RSU1: variants seen among roughly 807,000 people sequenced by gnomAD.
The protein encoded by RSU1 is Ras suppressor protein 1, also known as rsu-1.
In RSU1, 26 loss-of-function variants were observed where a neutral mutation model predicts 31.1. The ratio of observed to expected loss-of-function variants is 0.84; its 90% confidence interval spans 0.61 to 1.16. The LOEUF is 1.16. Among genes scored for constraint, RSU1 ranks in the 50% most tolerant of loss-of-function variants. The pLI, the probability that RSU1 is intolerant of heterozygous loss-of-function variation, is 0.00. For synonymous variants in RSU1, 164 were observed against 136.3 expected (o/e 1.20, Z -1.41); for missense variants, 320 against 339.1 (o/e 0.94, Z 0.44).
intron 8 of RSU1, among the ~76,000 whole-genome samples, chr10:16,651,685 T>TAG (rs1834686356): frequency 1.3e-5 from 2 of 152,216 alleles, no homozygotes; most frequent in African/African-American, 2.4e-5. Context: ...ATTTGCAATA[T>TAG]TACTCTAAAG....
At chr10:16,788,809 A>C (rs12355529) in intron 2 of RSU1, among the ~76,000 whole-genome samples, 5,097 of 152,292 alleles carry the variant, frequency 0.033, 82 homozygotes, top group Middle Eastern at 0.045. Context: ...CAATTAATCA[A>C]AATTCAGTAA....
intron 7 of RSU1, among the ~76,000 whole-genome samples, chr10:16,725,829 G>A (rs1836381961): frequency 6.9e-6 from 1 of 145,192 alleles, no homozygotes; most frequent in Non-Finnish European, 1.5e-5. Flanking sequence ...ATGGACTAAG[G>A]CATCTAGTAT....
intron 2 of RSU1, among the ~76,000 whole-genome samples, chr10:16,806,713 C>A (rs1838276578): frequency 2.0e-5 from 3 of 152,154 alleles, no homozygotes; most frequent in South Asian, 4.1e-4. Flanking sequence ...ATTACATAGG[C>A]ATCTTTGACA....
At chr10:16,612,231 GAT>G (rs901064190) in intron 8 of RSU1, among the ~76,000 whole-genome samples, 1 of 152,320 alleles carries the variant, frequency 6.6e-6, no homozygotes, top group East Asian at 1.9e-4. Context: ...TTTCCAAAGA[GAT>G]ATATATTTTT....
intron 8 of RSU1, among the ~76,000 whole-genome samples, chr10:16,654,478 C>A (rs377284418): frequency 2.0e-5 from 3 of 147,060 alleles, no homozygotes; most frequent in Admixed American, 6.8e-5. Context: ...GAGACCAGCC[C>A]GAGCAACATG....
rs1442524429 is a variant in RSU1 at position 16,809,830 on chromosome 10, T to C, written c.109+7143A>G. Among the ~76,000 whole-genome samples the C allele has an allele frequency of 5.4e-5, 8 of 146,930 alleles. No homozygotes were observed. The East Asian group carries it at 8.7e-4, about 16-fold the overall frequency. ...TATAATGGCAAAGCAGTGAGTGTTA[T>C]AGTTCTTATGGTGAAAATATAACTA... On this transcript the variant is annotated intron_variant, in intron 2 of 8. Coordinates refer to ENST00000345264, the MANE Select transcript of RSU1 (RefSeq NM_012425.4).
At chr10:16,773,621 A>G (rs566251437) in intron 3 of RSU1, among the ~76,000 whole-genome samples, 3 of 152,306 alleles carry the variant, frequency 2.0e-5, no homozygotes, top group African/African-American at 7.2e-5. Context: ...CTGGTCACTT[A>G]ATCACTTTAC....
chr10:16,699,926 C>G (rs1298875713), intron 7 of RSU1, among the ~76,000 whole-genome samples: 1 of 152,182 alleles, frequency 6.6e-6, no homozygotes, highest in Non-Finnish European at 1.5e-5. Context: ...TGCTTCTTTC[C>G]AAAGCCTCTA....
chr10:16,661,287 C>CGTGCGT (rs1554764459), intron 8 of RSU1, among the ~76,000 whole-genome samples: 2 of 132,918 alleles, frequency 1.5e-5, no homozygotes, highest in South Asian at 2.6e-4. Context: ...GTAGAGAGTG[C>CGTGCGT]GTGTGTGTGT....
chr10:16,593,279 GAAAAAT>G lies in RSU1; in HGVS notation c.*109_*114del. On this transcript the variant is annotated 3_prime_UTR_variant, in exon 9 of 9. Coordinates refer to ENST00000345264, the MANE Select transcript of RSU1 (RefSeq NM_012425.4). ...GGAAGCATTAGAAAGAGAGTGAAAA[GAAAAAT>G]AAAAAAGGCCTCACACGCAGCATTG... The G allele has an allele frequency of 6.6e-7, 1 of 1,507,924 alleles. No individual in the cohort carries two copies. Among genetic ancestry groups the G allele is most frequent in the Non-Finnish European group, 8.9e-7 (1 of 1,128,408 alleles). The allele number at this position is 1,507,924 out of a possible 1,614,324, so 93.4% of individuals were successfully genotyped here. A position where few individuals can be genotyped will look rare whatever the true frequency, so the allele number is the denominator to read the frequency against.
intron 4 of RSU1, among the ~76,000 whole-genome samples, chr10:16,756,769 C>T (rs1837094690): frequency 1.3e-5 from 2 of 151,974 alleles, no homozygotes; most frequent in African/African-American, 4.8e-5. Context: ...GTGTTGCTCC[C>T]GCAACCCATG....
intron 2 of RSU1, among the ~76,000 whole-genome samples, chr10:16,785,462 A>G (rs1351327091): frequency 1.2e-5 from 1 of 83,840 alleles, no homozygotes; most frequent in Non-Finnish European, 2.2e-5. Flanking sequence ...ATATATACAT[A>G]TATATATACA....
At chr10:16,783,880 C>A (rs1837713199) in intron 2 of RSU1, among the ~76,000 whole-genome samples, 1 of 152,140 alleles carries the variant, frequency 6.6e-6, no homozygotes, top group Non-Finnish European at 1.5e-5. Flanking sequence ...ACCATCTAAT[C>A]CTAGCCCCCA....
intron 8 of RSU1, among the ~76,000 whole-genome samples, chr10:16,680,399 G>A (rs1254887041): frequency 6.6e-6 from 1 of 152,024 alleles, no homozygotes; most frequent in Non-Finnish European, 1.5e-5. Flanking sequence ...AAAAAACAAG[G>A]ACTGTGTTAG....
intron 8 of RSU1, among the ~76,000 whole-genome samples, chr10:16,691,266 T>C (rs1029176162): frequency 3.3e-5 from 5 of 152,154 alleles, no homozygotes; most frequent in African/African-American, 4.8e-5. Flanking sequence ...TGGGTTCTAA[T>C]TGTATGAGGA....
intron 3 of RSU1, among the ~76,000 whole-genome samples, chr10:16,779,216 A>G (rs1304815369): frequency 2.6e-5 from 4 of 152,234 alleles, no homozygotes; most frequent in Non-Finnish European, 5.9e-5. Context: ...TAGGGGCACC[A>G]TAATAGTCTT....
intron 8 of RSU1, among the ~76,000 whole-genome samples, chr10:16,664,346 C>A (rs1314071898): frequency 6.6e-6 from 1 of 152,188 alleles, no homozygotes; most frequent in Non-Finnish European, 1.5e-5. Context: ...GACAGTCAAT[C>A]ACTTTCTGTG....
In RSU1 at chr10:16,593,420, T is replaced by G; in HGVS notation, c.808A>C (p.Lys270Gln). ...NNDKSKKISRKPLAAKNR is the reference protein window; with the variant it reads ...NNDKSKKISRQPLAAKNR ...TATCTGTTCTTGGCTGCCAGGGGTT[T>G]CCGGCTGATCTTTTTCGATTTGTCA... is the stretch of plus-strand genomic sequence containing the variant. Residue 270 changes from lysine to glutamine, a missense_variant, in exon 9 of 9, where the codon AAA (lysine) becomes CAA (glutamine). Physicochemically the swap from Lys to Gln is moderately conservative, Grantham distance 53 (BLOSUM62 1). Transcript: ENST00000345264. 1 of 1,614,136 alleles carries G rather than the reference T, an allele frequency of 6.2e-7. No individual in the cohort carries two copies. Among genetic ancestry groups the G allele is most frequent in the Non-Finnish European group, 8.5e-7 (1 of 1,179,998 alleles).
At chr10:16,638,713 C>T (rs1834389891) in intron 8 of RSU1, among the ~76,000 whole-genome samples, 2 of 152,160 alleles carry the variant, frequency 1.3e-5, no homozygotes, top group South Asian at 2.1e-4. Flanking sequence ...AGCTCAATCT[C>T]GTCCATATAA....
Sources: gnomAD v4.1 joint callset for allele counts (sites outside exome capture counted in the v4.1 genomes callset) on GRCh38, gnomAD v4.1.1 for gene constraint, MANE v1.5 for transcripts, NCBI Gene and HGNC (gene_info 2026-07-23, HGNC 2026-07-21) for gene names.